CDH13: variants seen among roughly 807,000 people sequenced by gnomAD.
CDH13 encodes cadherin-13.
Under a neutral mutation model 63.8 loss-of-function variants are expected in CDH13, and 24 were observed. The observed-to-expected ratio is 0.38, with a 90% confidence interval of 0.27 to 0.53. The LOEUF is 0.53. Among genes scored for constraint, CDH13 ranks in the 20% least tolerant of loss-of-function variants. The pLI is 0.85. For missense variants in CDH13, 1,049 were observed against 903.1 expected, an observed-to-expected ratio of 1.16 and a Z score of -2.07; for synonymous variants, 503 against 355.3, an observed-to-expected ratio of 1.42 and a Z score of -4.67.
chr16:82,925,843 T>C (rs2042287216), intron 2 of CDH13: 1 of 152,180 alleles, frequency 6.6e-6, no homozygotes, highest in Non-Finnish European at 1.5e-5. Context: ...AGGACTTGCC[T>C]TACTTTTTTT....
intron 8 of CDH13, among the ~76,000 whole-genome samples, chr16:83,619,748 C>A (rs1463572388): frequency 6.6e-6 from 1 of 152,234 alleles, no homozygotes; most frequent in East Asian, 1.9e-4. Flanking sequence ...ACCATAGTAG[C>A]CTCGCTGTAA....
At chr16:83,262,499 A>C (rs539875130) in intron 5 of CDH13, among the ~76,000 whole-genome samples, 2 of 152,270 alleles carry the variant, frequency 1.3e-5, no homozygotes, top group East Asian at 3.9e-4. Context: ...GGGTTTTTCT[A>C]ATTATACCGT....
chr16:82,907,922 T>A (rs1175005716), intron 2 of CDH13, among the ~76,000 whole-genome samples: 1 of 152,170 alleles, frequency 6.6e-6, no homozygotes, highest in East Asian at 1.9e-4. Flanking sequence ...TTTAAAAAAT[T>A]AGCTTCTTCA....
chr16:83,303,222 C>G (rs979765271), intron 5 of CDH13, among the ~76,000 whole-genome samples: 5 of 152,138 alleles, frequency 3.3e-5, no homozygotes, highest in African/African-American at 9.7e-5. Flanking sequence ...CTTCTGCCCT[C>G]TGAAAAAGAA....
intron 1 of CDH13, among the ~76,000 whole-genome samples, chr16:82,683,435 C>T (rs1310178912): frequency 6.6e-6 from 1 of 152,202 alleles, no homozygotes; most frequent in Admixed American, 6.5e-5. Context: ...TAGCCCGATG[C>T]AATGTCACCC....
chr16:83,029,682 A>G (rs890657807), intron 2 of CDH13, among the ~76,000 whole-genome samples: 2 of 152,160 alleles, frequency 1.3e-5, no homozygotes, highest in Non-Finnish European at 2.9e-5. Context: ...AATCTGTGGT[A>G]TTAGAGGCTA....
intron 9 of CDH13, among the ~76,000 whole-genome samples, chr16:83,674,379 G>A (rs1279464552): frequency 6.6e-6 from 1 of 152,170 alleles, no homozygotes; most frequent in Non-Finnish European, 1.5e-5. Flanking sequence ...CAGGAAACAA[G>A]GAGGCAGCCA....
At chr16:82,889,509 T>C (rs906357188) in intron 2 of CDH13, among the ~76,000 whole-genome samples, 6 of 152,224 alleles carry the variant, frequency 3.9e-5, no homozygotes, top group African/African-American at 7.2e-5. Context: ...TGTGCAGATA[T>C]GAGTGATGGT....
At chr16:83,004,111 A>C (rs946958575) in intron 2 of CDH13, among the ~76,000 whole-genome samples, 2 of 152,216 alleles carry the variant, frequency 1.3e-5, no homozygotes, top group African/African-American at 4.8e-5. Context: ...TGGGTTAATG[A>C]ATGCAACTGT....
chr16:83,468,237 C>A (rs1328599628), intron 6 of CDH13, among the ~76,000 whole-genome samples: 1 of 152,106 alleles, frequency 6.6e-6, no homozygotes, highest in African/African-American at 2.4e-5. Context: ...GCCCTGAATG[C>A]CATCACAGGT....
chr16:83,264,938 G>A (rs1187881939), intron 5 of CDH13, among the ~76,000 whole-genome samples: 1 of 151,996 alleles, frequency 6.6e-6, no homozygotes, highest in African/African-American at 2.4e-5. Context: ...AGAATCTGCT[G>A]TAAATAATTA....
At chr16:83,349,431 A>G (rs2090905288) in intron 6 of CDH13, among the ~76,000 whole-genome samples, 1 of 152,030 alleles carries the variant, frequency 6.6e-6, no homozygotes. Context: ...ACCTTTGAGA[A>G]TGGCTGACCA....
At chr16:83,350,367 A>G (rs535823245) in intron 6 of CDH13, among the ~76,000 whole-genome samples, 1 of 152,214 alleles carries the variant, frequency 6.6e-6, no homozygotes, top group Non-Finnish European at 1.5e-5. Flanking sequence ...CATGACTGAC[A>G]AAGATGAATG....
chr16:83,476,833 G>A (rs2073619022), intron 6 of CDH13, among the ~76,000 whole-genome samples: 1 of 152,172 alleles, frequency 6.6e-6, no homozygotes, highest in African/African-American at 2.4e-5. Context: ...GAATATTAAA[G>A]TTTCCACTTA....
chr16:83,795,079 A>T lies in CDH13; in HGVS notation c.*49A>T, dbSNP rs761997949. On this transcript the variant is annotated 3_prime_UTR_variant, in exon 14 of 14. Transcript: ENST00000567109. ...ACTCCCAAGTTTCCATAGCAACAGGAAAAAAAAAAATCTATCCAAATCTGA... is the reference window on the plus strand; with the variant it reads ...ACTCCCAAGTTTCCATAGCAACAGGTAAAAAAAAAATCTATCCAAATCTGA... 3 of 724,716 alleles carry T rather than the reference A, an allele frequency of 4.1e-6. No individual in the cohort carries two copies. The highest frequency in any genetic ancestry group is 1.1e-4 in the East Asian group (2 of 18,400). 44.9% of individuals were successfully genotyped at this position (724,716 alleles called of 1,614,324 possible).
intron 1 of CDH13, among the ~76,000 whole-genome samples, chr16:82,712,830 A>G (rs960429989): frequency 3.3e-5 from 5 of 151,896 alleles, no homozygotes; most frequent in African/African-American, 1.2e-4. Context: ...TTTCTCCACC[A>G]TCAGCTTCTC....
intron 1 of CDH13, among the ~76,000 whole-genome samples, chr16:82,687,408 C>G (rs1274400058): frequency 6.6e-6 from 1 of 152,120 alleles, no homozygotes; most frequent in Admixed American, 6.5e-5. Flanking sequence ...AAAGACATAC[C>G]TGAGGCAGGG....
intron 1 of CDH13, among the ~76,000 whole-genome samples, chr16:82,701,041 C>T (rs2030964816): frequency 7.0e-6 from 1 of 143,756 alleles, no homozygotes; most frequent in Non-Finnish European, 1.5e-5. Context: ...AAGCAAACTT[C>T]TTATCTCCTC....
At chr16:82,762,768 G>C (rs1292999301) in intron 1 of CDH13, among the ~76,000 whole-genome samples, 1 of 152,230 alleles carries the variant, frequency 6.6e-6, no homozygotes, top group African/African-American at 2.4e-5. Flanking sequence ...AAGAGGAAGA[G>C]AAGAGTTCTG....
Sources: gnomAD v4.1 joint callset for allele counts (sites outside exome capture counted in the v4.1 genomes callset) on GRCh38, gnomAD v4.1.1 for gene constraint, MANE v1.5 for transcripts, NCBI Gene and HGNC (gene_info 2026-07-23, HGNC 2026-07-21) for gene names.